GDPD4: variants seen among roughly 807,000 people sequenced by gnomAD.
GDPD4 encodes glycerophosphodiester phosphodiesterase 6.
Under a neutral mutation model 67.8 loss-of-function variants are expected in GDPD4, and 60 were observed. The observed-to-expected ratio is 0.88, with a 90% confidence interval of 0.72 to 1.10. The LOEUF is 1.10. Ranked by LOEUF, GDPD4 falls within the 50% of genes least tolerant of loss-of-function variation. GDPD4 has a pLI of 0.00. For missense variants in GDPD4, 623 were observed against 613.9 expected (o/e 1.01, Z -0.16); for synonymous variants, 212 against 210.9 (o/e 1.00, Z -0.04).
chr11:77,256,614 C>T (rs1959008096), intron 11 of GDPD4, among the ~76,000 whole-genome samples: 1 of 152,142 alleles, frequency 6.6e-6, no homozygotes, highest in South Asian at 2.1e-4. Flanking sequence ...GAAGTGAGGC[C>T]TAGTGAGAGG....
rs1410728705 is a variant in GDPD4 at position 77,271,381 on chromosome 11, G to A, written c.220C>T (p.Leu74=). The change falls in exon 6 of 17, where the codon CTA becomes TTA. Residue 74 remains leucine (L), a synonymous_variant. Coordinates refer to ENST00000315938, the MANE Select transcript of GDPD4 (RefSeq NM_182833.3). ...LHLCHKILIL[L]VILLCVILMF... is the part of the protein sequence containing the mutation. ...AAAATGACACACAGAAGAATCACTA[G>A]CAGAATCAGGATCTAGGGAAACAGA... 2 of 1,609,930 alleles carry A rather than the reference G, an allele frequency of 1.2e-6. No homozygotes were observed. Among genetic ancestry groups the A allele is most frequent in the Admixed American group, 1.7e-5 (1 of 60,000 alleles).
chr11:77,248,393 G>A (rs542701231), intron 11 of GDPD4, among the ~76,000 whole-genome samples: 4 of 151,948 alleles, frequency 2.6e-5, no homozygotes, highest in East Asian at 3.9e-4. Context: ...ACTAGAGACA[G>A]GGTTTCACCA....
At chr11:77,236,161 G>C (rs1958564339) in intron 13 of GDPD4, among the ~76,000 whole-genome samples, 2 of 151,756 alleles carry the variant, frequency 1.3e-5, no homozygotes, top group African/African-American at 2.4e-5. Context: ...TTTTTTTCAG[G>C]TTCACTATTG....
At chr11:77,268,871 C>T in intron 9 of GDPD4, 53 bp downstream of exon 9, 1 of 1,569,282 alleles carries the variant, frequency 6.4e-7, no homozygotes, top group Non-Finnish European at 8.7e-7. Flanking sequence ...TTCTCTTGAC[C>T]ACATACCCCA....
chr11:77,291,363 G>C (rs1036061510), intron 1 of GDPD4, among the ~76,000 whole-genome samples: 1 of 152,122 alleles, frequency 6.6e-6, no homozygotes, highest in Non-Finnish European at 1.5e-5. Flanking sequence ...CCGGAGGCTG[G>C]GAAGGACATG....
At chr11:77,298,106 A>T (rs536208581) in intron 1 of GDPD4, among the ~76,000 whole-genome samples, 94 of 148,754 alleles carry the variant, frequency 6.3e-4, no homozygotes, top group Admixed American at 1.5e-3. Flanking sequence ...TCGTTTTTTT[A>T]AAAAAAAAAA....
At chr11:77,264,291 C>T (rs1959167345) in intron 10 of GDPD4, among the ~76,000 whole-genome samples, 1 of 152,080 alleles carries the variant, frequency 6.6e-6, no homozygotes. Context: ...AAGGTTTTTT[C>T]ATATAAACGT....
At chr11:77,246,726 C>A (rs1958791466) in intron 11 of GDPD4, among the ~76,000 whole-genome samples, 3 of 152,080 alleles carry the variant, frequency 2.0e-5, no homozygotes, top group African/African-American at 7.2e-5. Context: ...GTATACAATT[C>A]ACATTAGTTC....
intron 4 of GDPD4, among the ~76,000 whole-genome samples, chr11:77,276,527 T>G (rs1959477860): frequency 6.6e-6 from 1 of 152,208 alleles, no homozygotes; most frequent in Non-Finnish European, 1.5e-5. Flanking sequence ...ACACTGATAC[T>G]CAGTTGAGTT....
chr11:77,219,166 T>G (rs1156915182), intron 16 of GDPD4, among the ~76,000 whole-genome samples: 3 of 152,256 alleles, frequency 2.0e-5, no homozygotes, highest in African/African-American at 7.2e-5. Context: ...TTTTCATGTG[T>G]CTGTTGGCTG....
intron 4 of GDPD4, 136 bp downstream of exon 4, chr11:77,279,170 A>T (rs1959634605): frequency 1.8e-6 from 1 of 562,648 alleles, no homozygotes; most frequent in Non-Finnish European, 3.2e-6. Flanking sequence ...AGCTAATGTA[A>T]ATCCCAACTC....
chr11:77,239,560 T>A (rs1204980379), intron 13 of GDPD4, among the ~76,000 whole-genome samples: 3 of 152,234 alleles, frequency 2.0e-5, no homozygotes, highest in Middle Eastern at 3.4e-3. Context: ...ACCTAACTGA[T>A]GAAAGTAAGA....
At position 77,269,762 on chromosome 11, in the gene GDPD4, C is replaced by T. The variant is rs988641994; in HGVS notation, c.478+121G>A. 26 of 607,032 alleles carry T rather than the reference C, an allele frequency of 4.3e-5. 2 individuals are homozygous for T. Among genetic ancestry groups the T allele is most frequent in the South Asian group, 3.8e-4 (18 of 47,154 alleles). The allele number at this position is 607,032 out of a possible 1,614,324, so 37.6% of individuals were successfully genotyped here. A position where few individuals can be genotyped will look rare whatever the true frequency, so the allele number is the denominator to read the frequency against. On this transcript the variant is annotated intron_variant, in intron 8 of 16. Coordinates refer to ENST00000315938, the MANE Select transcript of GDPD4 (RefSeq NM_182833.3). Reference sequence around the variant, plus strand: ...ATACAGAGCCTGTACACAATGCCTGCGATAACCAGCCATTCCCCAAGACTT... The same window carrying T: ...ATACAGAGCCTGTACACAATGCCTGTGATAACCAGCCATTCCCCAAGACTT...
At chr11:77,224,469 G>GAGAT (rs1352804871) in intron 16 of GDPD4, among the ~76,000 whole-genome samples, 1 of 152,188 alleles carries the variant, frequency 6.6e-6, no homozygotes, top group East Asian at 1.9e-4. Flanking sequence ...GCAGACTGGA[G>GAGAT]AGATATTCTG....
chr11:77,257,578 C>G (rs190557380), intron 11 of GDPD4, among the ~76,000 whole-genome samples: 7 of 151,338 alleles, frequency 4.6e-5, no homozygotes, highest in Non-Finnish European at 7.4e-5. Context: ...CACACACACA[C>G]ACACACACAC....
At chr11:77,285,027 G>C in intron 3 of GDPD4, 58 bp downstream of exon 3, 2 of 1,205,282 alleles carry the variant, frequency 1.7e-6, no homozygotes, top group African/African-American at 1.5e-5. Context: ...GTAGAATCCA[G>C]GTGGCTATCA....
chr11:77,252,051 TTTGTTTTTTTTTTG>T (rs1591548143), intron 11 of GDPD4, among the ~76,000 whole-genome samples: 23 of 79,070 alleles, frequency 2.9e-4, no homozygotes, highest in East Asian at 4.8e-4. Context: ...TTTTTGTTTG[TTTGTTTTTTTTTTG>T]TTTTTTTTTT....
intron 4 of GDPD4, 140 bp from the exon 5 acceptor site, chr11:77,276,360 C>A: frequency 1.4e-6 from 1 of 692,060 alleles, no homozygotes; most frequent in South Asian, 1.7e-5. Context: ...TATTTAGCCT[C>A]TGGGAGTTTT....
intron 16 of GDPD4, among the ~76,000 whole-genome samples, chr11:77,227,026 C>T (rs1241793585): frequency 6.6e-6 from 1 of 152,206 alleles, no homozygotes; most frequent in African/African-American, 2.4e-5. Context: ...ACTGTTCCAA[C>T]TTTAATTAAG....
Sources: allele counts gnomAD v4.1 joint callset (sites outside exome capture counted in the v4.1 genomes callset), GRCh38; gene constraint gnomAD v4.1.1; transcripts MANE v1.5; gene names NCBI Gene and HGNC (gene_info 2026-07-23, HGNC 2026-07-21).